Variants in MARCHF1 observed in about 807,000 individuals in gnomAD.
MARCHF1 encodes E3 ubiquitin-protein ligase MARCHF1.
MARCHF1 carries 40 observed loss-of-function variants against 54.2 expected under a neutral mutation model. That is an observed-to-expected ratio of 0.74 (90% confidence interval 0.57 to 0.96). The LOEUF is 0.96. MARCHF1 is among the 40% of genes least tolerant of loss of function. The probability of loss-of-function intolerance (pLI) is 0.00; values close to 1 mark genes in which losing one functional copy is unlikely to be tolerated. For missense variants in MARCHF1, 586 were observed against 656.5 expected (o/e 0.89, Z 1.17); for synonymous variants, 236 against 236.3 (o/e 1.00, Z 0.01).
chr4:164,369,402 A>C (rs760118315), intron 1 of MARCHF1, among the ~76,000 whole-genome samples: 1 of 152,208 alleles, frequency 6.6e-6, no homozygotes, highest in Admixed American at 6.5e-5. Flanking sequence ...AAGTGAACAC[A>C]TGAGTTCCAA....
chr4:164,240,885 T>C (rs1045820070), intron 1 of MARCHF1, among the ~76,000 whole-genome samples: 25 of 152,130 alleles, frequency 1.6e-4, no homozygotes, highest in African/African-American at 5.3e-4. Context: ...GTTAGAATTA[T>C]GAGAGAGGGC....
At chr4:163,875,990 T>C (rs1750278760) in intron 3 of MARCHF1, among the ~76,000 whole-genome samples, 1 of 152,094 alleles carries the variant, frequency 6.6e-6, no homozygotes, top group African/African-American at 2.4e-5. Context: ...GACATATATA[T>C]TGAAGCGATA....
At chr4:163,983,908 A>T (rs1420210950) in intron 3 of MARCHF1, among the ~76,000 whole-genome samples, 1 of 152,072 alleles carries the variant, frequency 6.6e-6, no homozygotes. Flanking sequence ...TCTGGCCCTG[A>T]GACTAAATAT....
chr4:164,176,941 GCTCTCTCTCTCT>G (rs57770641), intron 1 of MARCHF1, among the ~76,000 whole-genome samples: 33 of 58,164 alleles, frequency 5.7e-4, no homozygotes, highest in South Asian at 5.6e-3. Context: ...TACCTTGTGC[GCTCTCTCTCTCT>G]CTCTCTCTCT....
In MARCHF1 at chr4:163,832,889, G is replaced by C. The variant is rs182768207; in HGVS notation, c.111+21132C>G. Among the ~76,000 whole-genome samples the C allele has an allele frequency of 6.5e-3, 990 of 151,850 alleles. 8 individuals carry two copies. The highest frequency in any genetic ancestry group is 0.015 in the South Asian group (74 of 4,788). On this transcript the variant is annotated intron_variant, in intron 4 of 9. Coordinates refer to ENST00000514618, the MANE Select transcript of MARCHF1 (RefSeq NM_001394959.1). ...GTTTGCTGAGAATGATGGTTTCCAGGTTCATCCATGTCCCTACAAAGGACA... is the reference window on the plus strand; with the variant it reads ...GTTTGCTGAGAATGATGGTTTCCAGCTTCATCCATGTCCCTACAAAGGACA...
At chr4:163,588,564 C>T (rs1264374249) in intron 7 of MARCHF1, among the ~76,000 whole-genome samples, 1 of 152,162 alleles carries the variant, frequency 6.6e-6, no homozygotes, top group African/African-American at 2.4e-5. Context: ...TATTTCTTAA[C>T]TCCTTGGACA....
At chr4:164,167,540 C>G (rs567629514) in intron 1 of MARCHF1, among the ~76,000 whole-genome samples, 1 of 150,778 alleles carries the variant, frequency 6.6e-6, no homozygotes, top group African/African-American at 2.4e-5. Flanking sequence ...TATTACAAAG[C>G]TATAGTAATT....
chr4:163,815,694 G>A (rs1579308987), intron 4 of MARCHF1, among the ~76,000 whole-genome samples: 1 of 151,906 alleles, frequency 6.6e-6, no homozygotes, highest in African/African-American at 2.4e-5. Flanking sequence ...AAAGATTTAG[G>A]GATATCTAAA....
intron 2 of MARCHF1, among the ~76,000 whole-genome samples, chr4:164,080,670 G>GTATA (rs200634952): frequency 2.7e-5 from 4 of 149,532 alleles, no homozygotes; most frequent in African/African-American, 1.0e-4. Flanking sequence ...GTGTGTGTGT[G>GTATA]TATATATATA....
chr4:164,131,252 A>T (rs1038890757), intron 1 of MARCHF1, among the ~76,000 whole-genome samples: 2 of 152,112 alleles, frequency 1.3e-5, no homozygotes, highest in East Asian at 1.9e-4. Context: ...TTGCCATGGG[A>T]TACAGTTTCA....
intron 3 of MARCHF1, among the ~76,000 whole-genome samples, chr4:163,957,197 A>G (rs1752248966): frequency 6.6e-6 from 1 of 152,062 alleles, no homozygotes; most frequent in Non-Finnish European, 1.5e-5. Flanking sequence ...TTAAACTGTG[A>G]TACTACATTC....
intron 4 of MARCHF1, among the ~76,000 whole-genome samples, chr4:163,793,247 T>G (rs1230116210): frequency 6.6e-6 from 1 of 152,168 alleles, no homozygotes; most frequent in African/African-American, 2.4e-5. Flanking sequence ...TCTCTCTAGT[T>G]AGGTAGTAAC....
chr4:163,944,382 C>T (rs766633051), intron 3 of MARCHF1, among the ~76,000 whole-genome samples: 4 of 152,140 alleles, frequency 2.6e-5, no homozygotes, highest in Non-Finnish European at 5.9e-5. Flanking sequence ...GATTCAGCTG[C>T]AGAAAGCTGC....
chr4:163,819,719 C>CT (rs1165045081), intron 4 of MARCHF1, among the ~76,000 whole-genome samples: 2 of 152,014 alleles, frequency 1.3e-5, no homozygotes, highest in Non-Finnish European at 2.9e-5. Flanking sequence ...CGTCCTAATG[C>CT]TCTCCCCAAT....
At chr4:163,878,709 T>G (rs1288922607) in intron 3 of MARCHF1, among the ~76,000 whole-genome samples, 2 of 152,212 alleles carry the variant, frequency 1.3e-5, no homozygotes, top group African/African-American at 4.8e-5. Flanking sequence ...ATAAACCATC[T>G]TCAGTAGTTT....
chr4:163,544,703 C>T (rs1330499083), intron 9 of MARCHF1, among the ~76,000 whole-genome samples: 2 of 100,554 alleles, frequency 2.0e-5, no homozygotes, highest in East Asian at 5.2e-4. Context: ...TTTTTCTTAC[C>T]TCCTCTCTTT....
chr4:164,203,989 A>T lies in MARCHF1; in HGVS notation c.-322-92327T>A, dbSNP rs190282004. 1.4e-4 allele frequency among the ~76,000 whole-genome samples: 22 copies of T among 152,356 alleles called. No individual in the cohort carries two copies. The East Asian group carries it at 4.0e-3, about 28-fold the overall frequency. On this transcript the variant is annotated intron_variant, in intron 1 of 9. Transcript: ENST00000514618. ...ATATGTATTCACACATCTGATTTAC[A>T]TTTGTAATTCTAAAATTATGACTTC...
At chr4:163,702,489 A>G (rs937801812) in intron 4 of MARCHF1, among the ~76,000 whole-genome samples, 24 of 152,310 alleles carry the variant, frequency 1.6e-4, no homozygotes, top group African/African-American at 5.8e-4. Context: ...ATGACATTTG[A>G]GAACATGATT....
At chr4:164,092,717 T>C (rs1755330824) in intron 2 of MARCHF1, among the ~76,000 whole-genome samples, 1 of 152,114 alleles carries the variant, frequency 6.6e-6, no homozygotes, top group South Asian at 2.1e-4. Flanking sequence ...TTAATTTAAT[T>C]GGATATTGAA....
Sources: allele counts gnomAD v4.1 joint callset (sites outside exome capture counted in the v4.1 genomes callset), GRCh38; gene constraint gnomAD v4.1.1; transcripts MANE v1.5; gene names NCBI Gene and HGNC (gene_info 2026-07-23, HGNC 2026-07-21).